Variants in MAP3K13 observed in about 807,000 individuals in gnomAD.
MAP3K13 encodes the protein mitogen-activated protein kinase kinase kinase 13.
Under a neutral mutation model 104.0 loss-of-function variants are expected in MAP3K13, and 52 were observed. The ratio of observed to expected loss-of-function variants is 0.50; its 90% CI spans 0.40 to 0.63. MAP3K13 has a LOEUF of 0.63. Among genes scored for constraint, MAP3K13 ranks in the 20% least tolerant of loss-of-function variants. MAP3K13 has a pLI of 0.00. For missense variants in MAP3K13, 914 were observed against 1,218.5 expected (o/e 0.75, Z 3.72); for synonymous variants, 394 against 442.2 (o/e 0.89, Z 1.37).
At position 185,451,527 on chromosome 3, in the gene MAP3K13, A is replaced by T. The variant is rs1018801034; in HGVS notation, c.1278+132A>T. ...AACTCCATTCATTGTGACACAATAA[A>T]TATGATACTTCACACATATGACATC... is the stretch of plus-strand genomic sequence containing the variant. On this transcript the variant is annotated intron_variant, in intron 7 of 13. Coordinates refer to ENST00000265026, the MANE Select transcript of MAP3K13 (RefSeq NM_004721.5). 86 of 629,820 alleles carry T rather than the reference A, an allele frequency of 1.4e-4. No homozygotes were observed. In the African/African-American group the frequency reaches 1.4e-3, roughly 11 times the overall value. The allele number at this position is 629,820 out of a possible 1,614,324, so 39.0% of individuals were successfully genotyped here. A position where few individuals can be genotyped will look rare whatever the true frequency, so the allele number is the denominator to read the frequency against.
chr3:185,426,071 C>T (rs147939232), intron 1 of MAP3K13, among the ~76,000 whole-genome samples: 5 of 140,928 alleles, frequency 3.5e-5, no homozygotes, highest in South Asian at 2.5e-4. Flanking sequence ...CTCTCCCTCT[C>T]CCTCTTCTCC....
At chr3:185,316,108 T>C (rs532742327) in intron 2 of MAP3K13, among the ~76,000 whole-genome samples, 1 of 152,312 alleles carries the variant, frequency 6.6e-6, no homozygotes, top group East Asian at 1.9e-4. Context: ...AATTATTTTA[T>C]TGGAATTTTT....
At chr3:185,336,864 T>C (rs956542334) in intron 2 of MAP3K13, among the ~76,000 whole-genome samples, 1 of 152,126 alleles carries the variant, frequency 6.6e-6, no homozygotes, top group African/African-American at 2.4e-5. Flanking sequence ...TCTATGTACA[T>C]GTACACCAGG....
intron 1 of MAP3K13, among the ~76,000 whole-genome samples, chr3:185,377,981 C>T (rs1049262735): frequency 5.4e-4 from 82 of 152,118 alleles, no homozygotes; most frequent in Admixed American, 9.2e-4. Flanking sequence ...GCCAGATTTC[C>T]GGCACTTGTA....
chr3:185,474,956 G>A (rs1199165118), intron 11 of MAP3K13, among the ~76,000 whole-genome samples: 7 of 151,956 alleles, frequency 4.6e-5, no homozygotes, highest in Non-Finnish European at 8.8e-5. Flanking sequence ...TTAGCCAGGC[G>A]TGGTGGCAGG....
chr3:185,314,346 T>C (rs1721599866), intron 2 of MAP3K13, among the ~76,000 whole-genome samples: 1 of 152,220 alleles, frequency 6.6e-6, no homozygotes, highest in South Asian at 2.1e-4. Flanking sequence ...CTGGGGGCAG[T>C]GGCTCACGCC....
At position 185,486,766 on chromosome 3, in the gene MAP3K13, A is replaced by G. The variant is rs1718736256; in HGVS notation, c.*4310A>G. The G allele has an allele frequency of 1.3e-5, 2 of 152,242 alleles. No individual in the cohort carries two copies. Among genetic ancestry groups the G allele is most frequent in the Non-Finnish European group, 1.5e-5 (1 of 68,042 alleles). 9.4% of individuals were successfully genotyped at this position (152,242 alleles called of 1,614,324 possible). On this transcript the variant is annotated 3_prime_UTR_variant, in exon 14 of 14. Transcript: ENST00000265026. ...AGATGAGCATTTGGTTCTGATTTTC[A>G]TCTATTTCAAGATCATATCCTCTGG...
chr3:185,318,352 A>G (rs1347216149), intron 2 of MAP3K13, among the ~76,000 whole-genome samples: 1 of 152,250 alleles, frequency 6.6e-6, no homozygotes, highest in African/African-American at 2.4e-5. Context: ...CCTGACAGAC[A>G]GTCATTTGAC....
intron 2 of MAP3K13, among the ~76,000 whole-genome samples, chr3:185,430,467 G>T (rs967119240): frequency 2.6e-5 from 4 of 151,826 alleles, no homozygotes. Flanking sequence ...CCACCCTCAC[G>T]TAGGCCCCAG....
chr3:185,368,657 A>G (rs1316124810), intron 1 of MAP3K13, among the ~76,000 whole-genome samples: 1 of 152,104 alleles, frequency 6.6e-6, no homozygotes, highest in Non-Finnish European at 1.5e-5. Flanking sequence ...ATTGAAGGGA[A>G]TGATAGAAAA....
At chr3:185,453,186 T>C (rs767553104) in intron 7 of MAP3K13, among the ~76,000 whole-genome samples, 17 of 152,138 alleles carry the variant, frequency 1.1e-4, no homozygotes, top group Non-Finnish European at 1.9e-4. Context: ...GAAATAAATG[T>C]GATGATCCTG....
intron 1 of MAP3K13, among the ~76,000 whole-genome samples, chr3:185,405,237 A>G (rs370796896): frequency 5.5e-4 from 83 of 152,240 alleles, no homozygotes; most frequent in African/African-American, 1.8e-3. Context: ...CTATTAAGGT[A>G]TATATGCATT....
intron 1 of MAP3K13, among the ~76,000 whole-genome samples, chr3:185,284,469 A>G (rs771084403): frequency 6.6e-6 from 1 of 152,156 alleles, no homozygotes; most frequent in Admixed American, 6.5e-5. Context: ...TAATCCCAGC[A>G]CTTTGCGAGG....
chr3:185,457,139 T>TTCCTCACCTGAACCG (rs145172761), intron 7 of MAP3K13, among the ~76,000 whole-genome samples: 1 of 16,508 alleles, frequency 6.1e-5, no homozygotes, highest in Admixed American at 1.0e-3. Context: ...GTTGCCACAG[T>TTCCTCACCTGAACCG]CGGGTTCCTC....
chr3:185,335,530 T>C (rs1282020300), intron 2 of MAP3K13, among the ~76,000 whole-genome samples: 2 of 152,140 alleles, frequency 1.3e-5, no homozygotes, highest in Non-Finnish European at 2.9e-5. Flanking sequence ...CAAAGCATTT[T>C]TCATTTTCCT....
chr3:185,311,471 G>T (rs1313709320), intron 2 of MAP3K13, among the ~76,000 whole-genome samples: 1 of 152,070 alleles, frequency 6.6e-6, no homozygotes, highest in African/African-American at 2.4e-5. Flanking sequence ...GGGAATTCTG[G>T]GAGATACAAT....
At chr3:185,436,678 A>C (rs1294776844) in intron 2 of MAP3K13, among the ~76,000 whole-genome samples, 2 of 152,168 alleles carry the variant, frequency 1.3e-5, no homozygotes, top group African/African-American at 4.8e-5. Flanking sequence ...AGTAGTATGC[A>C]TAATGAAGTT....
intron 1 of MAP3K13, among the ~76,000 whole-genome samples, chr3:185,377,267 A>C (rs964718592): frequency 1.5e-4 from 23 of 152,166 alleles, no homozygotes; most frequent in African/African-American, 5.1e-4. Flanking sequence ...AATCCTTTTA[A>C]AGCATGCTGT....
At chr3:185,404,465 C>T (rs753054831) in intron 1 of MAP3K13, among the ~76,000 whole-genome samples, 10 of 152,122 alleles carry the variant, frequency 6.6e-5, no homozygotes, top group East Asian at 3.8e-4. Flanking sequence ...GGTTTACATA[C>T]GTCAGGCTAT....
Sources: allele counts gnomAD v4.1 joint callset (sites outside exome capture counted in the v4.1 genomes callset), GRCh38; gene constraint gnomAD v4.1.1; transcripts MANE v1.5; gene names NCBI Gene and HGNC (gene_info 2026-07-23, HGNC 2026-07-21).